Variants in ACTR3 observed in about 807,000 individuals in gnomAD.
The protein encoded by ACTR3 is actin related protein 3, also known as actin-related protein 3.
ACTR3 carries 12 observed loss-of-function variants against 56.8 expected under a neutral mutation model. The observed-to-expected ratio is 0.21, with a 90% CI of 0.14 to 0.34. The LOEUF is 0.34. Ranked by LOEUF, ACTR3 falls within the 10% of genes least tolerant of loss-of-function variation. The pLI, the probability that ACTR3 is intolerant of heterozygous loss-of-function variation, is 1.00. For missense variants in ACTR3, 282 were observed against 512.5 expected (o/e 0.55, Z 4.34); for synonymous variants, 162 against 167.4 (o/e 0.97, Z 0.25).
chr2:113,919,847 CAA>C lies in ACTR3; in HGVS notation c.225+2840_225+2841del, dbSNP rs539871094. 4.4e-3 allele frequency among the ~76,000 whole-genome samples: 667 copies of C among 152,342 alleles called. 2 individuals carry two copies. Among genetic ancestry groups the C allele is most frequent in the African/African-American group, 8.2e-3 (340 of 41,576 alleles). On this transcript the variant is annotated intron_variant, in intron 3 of 11. Transcript: ENST00000263238. The stretch of plus-strand genomic sequence containing the variant: ...CACTGCAGCCTCAAACTTCTGGACT[CAA>C]GAGATTTTCACACTTCAGTCTCCTG...
chr2:113,944,302 T>C (rs1679976783), intron 8 of ACTR3, among the ~76,000 whole-genome samples: 1 of 151,988 alleles, frequency 6.6e-6, no homozygotes, highest in Non-Finnish European at 1.5e-5. Context: ...GTTGCAAGAA[T>C]AAGGCTCAAG....
Position 113,951,528 on chromosome 2 carries a change from T to C in ACTR3, c.908T>C (p.Val303Ala). ...CCTATCTCAGAAGTTGTAGATGAAG[T>C]AATTCAGAATTGTCCTATTGATGTC... Reference protein sequence around the residue: ...TQPISEVVDEVIQNCPIDVRR... With the variant: ...TQPISEVVDEAIQNCPIDVRR... Residue 303 changes from valine (V) to alanine (A), a missense_variant, in exon 9 of 12, where the codon GTA becomes GCA. By Grantham distance (64) the Val-to-Ala change is moderately conservative. Transcript: ENST00000263238. The C allele has an allele frequency of 1.9e-6, 3 of 1,613,220 alleles. No homozygotes were observed. Among genetic ancestry groups the C allele is most frequent in the Non-Finnish European group, 2.5e-6 (3 of 1,179,350 alleles).
intron 3 of ACTR3, among the ~76,000 whole-genome samples, chr2:113,918,266 C>T (rs1273366308): frequency 6.6e-6 from 1 of 152,154 alleles, no homozygotes; most frequent in Non-Finnish European, 1.5e-5. Flanking sequence ...AACTTGAATC[C>T]TGTCTGTGCT....
intron 1 of ACTR3, chr2:113,905,043 T>A (rs958949285): frequency 2.0e-5 from 3 of 152,226 alleles, no homozygotes; most frequent in Non-Finnish European, 4.4e-5. Flanking sequence ...AAGAAGTTTT[T>A]AATTTTTACA....
intron 8 of ACTR3, chr2:113,950,786 A>G (rs921822155): frequency 6.6e-6 from 1 of 151,862 alleles, no homozygotes; most frequent in Non-Finnish European, 1.5e-5. Context: ...GTCCGTTTTC[A>G]TACTGCTAAT....
intron 3 of ACTR3, among the ~76,000 whole-genome samples, chr2:113,921,071 T>G (rs1679497714): frequency 6.6e-6 from 1 of 152,210 alleles, no homozygotes. Flanking sequence ...CTTTACCTAT[T>G]AACATTCCCT....
intron 3 of ACTR3, among the ~76,000 whole-genome samples, chr2:113,921,487 G>T (rs1290899484): frequency 6.6e-6 from 1 of 151,920 alleles, no homozygotes; most frequent in Non-Finnish European, 1.5e-5. Context: ...AATCCCATTT[G>T]TCTATTTTTG....
intron 4 of ACTR3, among the ~76,000 whole-genome samples, chr2:113,927,796 A>G (rs979499581): frequency 6.6e-6 from 1 of 152,212 alleles, no homozygotes; most frequent in African/African-American, 2.4e-5. Context: ...GTATTTCTTC[A>G]TAACAAAAAT....
At chr2:113,904,574 G>T (rs1679160309) in intron 1 of ACTR3, 1 of 152,196 alleles carries the variant, frequency 6.6e-6, no homozygotes, top group Non-Finnish European at 1.5e-5. Context: ...ACACAATTGT[G>T]TGGACAACTG....
chr2:113,890,171 G>A lies in ACTR3; in HGVS notation c.-109G>A. 4.2e-6 allele frequency: 6 copies of A among 1,442,836 alleles called. No homozygotes were observed. Among genetic ancestry groups the A allele is most frequent in the Non-Finnish European group, 4.8e-6 (5 of 1,051,040 alleles). The allele number at this position is 1,442,836 out of a possible 1,614,324, so 89.4% of individuals were successfully genotyped here. ...TCCCGGCTACCCCCCGGACGGTGAAGGCGGCCCAGCTGTGGATGGTCAGAT... is the reference window on the plus strand; with the variant it reads ...TCCCGGCTACCCCCCGGACGGTGAAAGCGGCCCAGCTGTGGATGGTCAGAT... On this transcript the variant is annotated 5_prime_UTR_variant, in exon 1 of 12. Coordinates refer to ENST00000263238, the MANE Select transcript of ACTR3 (RefSeq NM_005721.5).
chr2:113,935,571 A>T (rs1679811027), intron 6 of ACTR3, among the ~76,000 whole-genome samples: 2 of 152,176 alleles, frequency 1.3e-5, no homozygotes, highest in Admixed American at 6.5e-5. Context: ...ATATTTCATT[A>T]TGTGGATATA....
intron 1 of ACTR3, among the ~76,000 whole-genome samples, chr2:113,910,724 TGTGGTG>T (rs1679291737): frequency 6.6e-6 from 1 of 152,312 alleles, no homozygotes; most frequent in South Asian, 2.1e-4. Context: ...TGTTGATTGC[TGTGGTG>T]GTGGTGTGTA....
rs556149988 is a variant in ACTR3 at position 113,893,762 on chromosome 2, G to T, written c.44+3439G>T. Among the ~76,000 whole-genome samples, 138 of 151,866 alleles carry T rather than the reference G, an allele frequency of 9.1e-4. 1 individual carries two copies. The highest frequency in any genetic ancestry group is 3.4e-3 in the Middle Eastern group (1 of 294). ...TTTTTCCCCTGGTAAATAAAATATT[G>T]GTAAATTAGTTCCACTGATTATGAT... On this transcript the variant is annotated intron_variant, in intron 1 of 11. Transcript: ENST00000263238.
Position 113,908,755 on chromosome 2 carries a change from G to A in ACTR3, c.45-4417G>A, listed in dbSNP as rs564989514. On this transcript the variant is annotated intron_variant, in intron 1 of 11. Coordinates refer to ENST00000263238, the MANE Select transcript of ACTR3 (RefSeq NM_005721.5). ...AGTATAAAGCGAGTGGTTTTAAAGA[G>A]TGATTTTTTTTGTCATTCAGCACTT... Among the ~76,000 whole-genome samples, 24 of 152,038 alleles carry A rather than the reference G, an allele frequency of 1.6e-4. No individual in the cohort carries two copies. In the South Asian group the frequency reaches 4.6e-3, roughly 29 times the overall value.
At chr2:113,921,638 AT>A (rs1172002033) in intron 3 of ACTR3, among the ~76,000 whole-genome samples, 5 of 152,090 alleles carry the variant, frequency 3.3e-5, no homozygotes, top group Non-Finnish European at 5.9e-5. Context: ...TTTTGAGTTG[AT>A]TTTTGTATAA....
intron 3 of ACTR3, among the ~76,000 whole-genome samples, chr2:113,920,267 A>C (rs1679483153): frequency 6.6e-6 from 1 of 152,022 alleles, no homozygotes. Flanking sequence ...TCTGTTGCCC[A>C]TGCTCGTCTC....
chr2:113,890,094 G>C lies in ACTR3; in HGVS notation c.-186G>C. ...GGGACTGCCTGCCTGCCTGGGTTGC[G>C]GAAGTGATAGCCGCCGACCGAGCCT... is the stretch of plus-strand genomic sequence containing the variant. On this transcript the variant is annotated 5_prime_UTR_variant, in exon 1 of 12. Coordinates refer to ENST00000263238, the MANE Select transcript of ACTR3 (RefSeq NM_005721.5). The C allele has an allele frequency of 4.4e-6, 3 of 676,988 alleles. No homozygotes were observed. Among genetic ancestry groups the C allele is most frequent in the Non-Finnish European group, 7.6e-6 (3 of 394,088 alleles). 41.9% of individuals were successfully genotyped at this position (676,988 alleles called of 1,614,324 possible). A position where few individuals can be genotyped will look rare whatever the true frequency, so the allele number is the denominator to read the frequency against.
intron 3 of ACTR3, among the ~76,000 whole-genome samples, chr2:113,926,587 G>A (rs1410574147): frequency 6.6e-6 from 1 of 152,104 alleles, no homozygotes; most frequent in Non-Finnish European, 1.5e-5. Context: ...TAACATGTTG[G>A]GGAATGGAAG....
intron 3 of ACTR3, among the ~76,000 whole-genome samples, chr2:113,919,618 G>A (rs745412114): frequency 2.6e-5 from 4 of 152,130 alleles, no homozygotes; most frequent in Non-Finnish European, 5.9e-5. Flanking sequence ...GAGTAACAGG[G>A]CGTGATGAAT....
Sources: gnomAD v4.1 joint callset for allele counts (sites outside exome capture counted in the v4.1 genomes callset) on GRCh38, gnomAD v4.1.1 for gene constraint, MANE v1.5 for transcripts, NCBI Gene and HGNC (gene_info 2026-07-23, HGNC 2026-07-21) for gene names.